Variants in RAPSN observed in about 807,000 individuals in gnomAD.
The protein encoded by RAPSN is 43 kDa receptor-associated protein of the synapse.
Under a neutral mutation model 45.7 loss-of-function variants are expected in RAPSN, and 33 were observed. That is an observed-to-expected ratio of 0.72 (90% confidence interval 0.55 to 0.97). RAPSN has a LOEUF of 0.97. Among genes scored for constraint, RAPSN ranks in the 50% least tolerant of loss-of-function variants. The pLI is 0.00. For missense variants in RAPSN, 519 were observed against 559.4 expected (o/e 0.93, Z 0.73); for synonymous variants, 244 against 233.6 (o/e 1.04, Z -0.40).
In RAPSN at chr11:47,437,894, C is replaced by T; in HGVS notation, c.*81G>A. ...ATGGTGAGGACGACCTGGCAGCTGCCCCAGGAGTAAATGGGCCTCTGGCGT... is the reference window on the plus strand; with the variant it reads ...ATGGTGAGGACGACCTGGCAGCTGCTCCAGGAGTAAATGGGCCTCTGGCGT... On this transcript the variant is annotated 3_prime_UTR_variant, in exon 8 of 8. Coordinates refer to ENST00000298854, the MANE Select transcript of RAPSN (RefSeq NM_005055.5). The T allele has an allele frequency of 6.5e-7, 1 of 1,527,848 alleles. No individual in the cohort carries two copies. The highest frequency in any genetic ancestry group is 1.2e-5 in the South Asian group (1 of 83,580). 94.6% of individuals were successfully genotyped at this position (1,527,848 alleles called of 1,614,324 possible).
chr11:47,438,766 G>T lies in RAPSN; in HGVS notation c.1132C>A (p.Gln378Lys). ...AAGATGTGGGAGCAAGGTAGGGCCT[G>T]CAGCCGGCTGTTCTTCTCGCCTATG... Reference protein sequence around the residue: ...ESIGEKNSRLQALPCSHIFHL... With the variant: ...ESIGEKNSRLKALPCSHIFHL... Residue 378 changes from glutamine (Q) to lysine (K), a missense_variant, in exon 7 of 8, where the codon CAG (glutamine) becomes AAG (lysine). Physicochemically the swap from Gln to Lys is moderately conservative, Grantham distance 53. Transcript: ENST00000298854. 1 of 1,564,788 alleles carries T rather than the reference G, an allele frequency of 6.4e-7. No homozygotes were observed. Among genetic ancestry groups the T allele is most frequent in the South Asian group, 1.2e-5 (1 of 85,216 alleles).
intron 7 of RAPSN, among the ~76,000 whole-genome samples, 172 bp from the exon 8 acceptor site, chr11:47,438,219 C>T (rs1216842742): frequency 6.6e-6 from 1 of 152,026 alleles, no homozygotes; most frequent in Admixed American, 6.6e-5. Context: ...CCCGGCTTGC[C>T]CCTCTCCTCC....
intron 2 of RAPSN, among the ~76,000 whole-genome samples, chr11:47,445,258 A>G (rs2076396342): frequency 6.6e-6 from 1 of 151,468 alleles, no homozygotes; most frequent in South Asian, 2.1e-4. Context: ...TATTATTTCA[A>G]TGACTTTGGA....
chr11:47,441,598 G>T lies in RAPSN; in HGVS notation c.912+13C>A. 1 of 1,603,728 alleles carries T rather than the reference G, an allele frequency of 6.2e-7. No homozygotes were observed. The highest frequency in any genetic ancestry group is 8.5e-7 in the Non-Finnish European group (1 of 1,179,596). Reference sequence around the variant, plus strand: ...TGGGAGGGCTGGAGGCTGTGGGAAAGGCCCGACCTCACCTTGTCCAGCGCC... The same window carrying T: ...TGGGAGGGCTGGAGGCTGTGGGAAATGCCCGACCTCACCTTGTCCAGCGCC... On this transcript the variant is annotated intron_variant, in intron 5 of 7. Coordinates refer to ENST00000298854, the MANE Select transcript of RAPSN (RefSeq NM_005055.5).
At position 47,442,701 on chromosome 11, in the gene RAPSN, G is replaced by T; in HGVS notation, c.645C>A (p.Ala215=). Residue 215 remains alanine, a synonymous_variant, in exon 3 of 8, where the codon GCC becomes GCA. Transcript: ENST00000298854. The part of the protein sequence containing the change: ...RAMSQYHMAV[A]YRLLGRLGSA... The stretch of plus-strand genomic sequence containing the variant: ...TGCCCAGGCGGCCCAGCAGGCGATA[G>T]GCCACGGCCATGTGGTACTGGCTCA... 1 of 1,614,230 alleles carries T rather than the reference G, an allele frequency of 6.2e-7. No homozygotes were observed. Among genetic ancestry groups the T allele is most frequent in the East Asian group, 2.2e-5 (1 of 44,884 alleles).
At chr11:47,441,485 T>C in intron 5 of RAPSN, 126 bp downstream of exon 5, 1 of 1,504,964 alleles carries the variant, frequency 6.6e-7, no homozygotes, top group Admixed American at 1.9e-5. Context: ...ACCAGGAATG[T>C]CCTGGCCTCG....
At chr11:47,438,151 G>T (rs1228096057) in intron 7 of RAPSN, 104 bp from the exon 8 acceptor site, 32 of 1,333,540 alleles carry the variant, frequency 2.4e-5, no homozygotes, top group Non-Finnish European at 3.4e-5. Context: ...GATGCATCCT[G>T]GTGGCTGTTC....
chr11:47,441,597 A>C lies in RAPSN; in HGVS notation c.912+14T>G. ...CTGGGAGGGCTGGAGGCTGTGGGAA[A>C]GGCCCGACCTCACCTTGTCCAGCGC... On this transcript the variant is annotated intron_variant, in intron 5 of 7. Coordinates refer to ENST00000298854, the MANE Select transcript of RAPSN (RefSeq NM_005055.5). 1 of 1,603,606 alleles carries C rather than the reference A, an allele frequency of 6.2e-7. No homozygotes were observed. The highest frequency in any genetic ancestry group is 2.2e-5 in the East Asian group (1 of 44,858).
Position 47,438,920 on chromosome 11 carries a change from G to C in RAPSN, c.978C>G (p.Leu326=). 6.4e-7 allele frequency: 1 copy of C among 1,558,632 alleles called. No individual in the cohort carries two copies. The highest frequency in any genetic ancestry group is 8.7e-7 in the Non-Finnish European group (1 of 1,150,858). ...AEEVGNKLSQ[L]KLHCLSESIY... ...TGCTCTCGCTCAGACAGTGCAGCTT[G>C]AGCTGGCTCAGCTGGGGCCCGCAGG... is the stretch of plus-strand genomic sequence containing the variant. The change falls in exon 7 of 8, where the codon CTC becomes CTG. Residue 326 remains leucine, a synonymous_variant. Coordinates refer to ENST00000298854, the MANE Select transcript of RAPSN (RefSeq NM_005055.5).
intron 1 of RAPSN, 85 bp from the exon 2 acceptor site, chr11:47,448,235 A>G: frequency 1.3e-5 from 18 of 1,414,452 alleles, no homozygotes; most frequent in Non-Finnish European, 1.6e-5. Flanking sequence ...TCAGACCTGG[A>G]GGCCCCACAC....
In RAPSN at chr11:47,447,886, C is replaced by A. The variant is rs142635726; in HGVS notation, c.457G>T (p.Ala153Ser). The A allele has an allele frequency of 1.2e-4, 190 of 1,613,452 alleles. No homozygotes were observed. In the East Asian group the frequency reaches 4.1e-3, roughly 35 times the overall value. Residue 153 changes from alanine (A) to serine (S), a missense_variant, in exon 2 of 8, where the codon GCC (alanine) becomes TCC (serine). Transcript: ENST00000298854. Reference protein sequence around the residue: ...LESFEKALRYAHNNDDAMLEC... With the variant: ...LESFEKALRYSHNNDDAMLEC... ...AGCATGGCGTCATCATTGTTGTGGG[C>A]ATAGCGCAGGGCCTTCTCGAAGCTC... is the stretch of plus-strand genomic sequence containing the variant.
intron 2 of RAPSN, among the ~76,000 whole-genome samples, chr11:47,445,369 G>A (rs1486839081): frequency 6.6e-6 from 1 of 151,720 alleles, no homozygotes; most frequent in Non-Finnish European, 1.5e-5. Context: ...GGCTGAAGCG[G>A]GTGGATCACC....
In RAPSN at chr11:47,437,867, C is replaced by T; in HGVS notation, c.*108G>A. The T allele has an allele frequency of 7.0e-7, 1 of 1,425,870 alleles. No individual in the cohort carries two copies. The highest frequency in any genetic ancestry group is 9.6e-7 in the Non-Finnish European group (1 of 1,036,302). 88.3% of individuals were successfully genotyped at this position (1,425,870 alleles called of 1,614,324 possible). On this transcript the variant is annotated 3_prime_UTR_variant, in exon 8 of 8. Coordinates refer to ENST00000298854, the MANE Select transcript of RAPSN (RefSeq NM_005055.5). ...CCCTGGGCAGGCCCCAAGGCCTTGGCTATGGTGAGGACGACCTGGCAGCTG... is the reference window on the plus strand; with the variant it reads ...CCCTGGGCAGGCCCCAAGGCCTTGGTTATGGTGAGGACGACCTGGCAGCTG...
At chr11:47,443,735 A>T (rs1487551050) in intron 2 of RAPSN, among the ~76,000 whole-genome samples, 1 of 151,912 alleles carries the variant, frequency 6.6e-6, no homozygotes, top group Non-Finnish European at 1.5e-5. Flanking sequence ...GAGTTGGAGA[A>T]TGGCCTGGGC....
Position 47,448,106 on chromosome 11 carries a change from G to C in RAPSN, c.237C>G (p.Ala79=). 6.2e-7 allele frequency: 1 copy of C among 1,613,712 alleles called. No homozygotes were observed. The highest frequency in any genetic ancestry group is 8.5e-7 in the Non-Finnish European group (1 of 1,180,010). ...TCAGGTAGCTCTCCAGGAGGAAGTCGGCATCCTCCAGCTCCCGGGCCGTGT... is the reference window on the plus strand; with the variant it reads ...TCAGGTAGCTCTCCAGGAGGAAGTCCGCATCCTCCAGCTCCCGGGCCGTGT... ...QIDTARELED[A]DFLLESYLNL... The change falls in exon 2 of 8, where the codon GCC becomes GCG. Residue 79 remains alanine (A), a synonymous_variant. Transcript: ENST00000298854.
At chr11:47,443,482 G>A (rs2153309367) in intron 2 of RAPSN, among the ~76,000 whole-genome samples, 1 of 152,146 alleles carries the variant, frequency 6.6e-6, no homozygotes, top group South Asian at 2.1e-4. Flanking sequence ...CTGCTCCCAC[G>A]CTCCCTGCCT....
chr11:47,437,985 C>A lies in RAPSN; in HGVS notation c.1229G>T (p.Gly410Val). Residue 410 changes from glycine (G) to valine (V), a missense_variant, in exon 8 of 8, where the codon GGC (glycine) becomes GTC (valine). Transcript: ENST00000298854. ...PNCRRSSMKP[G>V]FV ...GCCTGCTGCCAGGAGTCATACAAAGCCAGGCTTCATGGATGAGCGGCGGCA... is the reference window on the plus strand; with the variant it reads ...GCCTGCTGCCAGGAGTCATACAAAGACAGGCTTCATGGATGAGCGGCGGCA... 6.4e-7 allele frequency: 1 copy of A among 1,550,822 alleles called. No homozygotes were observed.
rs201725858 is a variant in RAPSN at position 47,448,825 on chromosome 11, C to T, written c.140G>A (p.Gly47Asp). 2.2e-4 allele frequency: 359 copies of T among 1,613,694 alleles called. 1 individual carries two copies. In the East Asian group the frequency reaches 7.8e-3, roughly 35 times the overall value. Residue 47 changes from glycine to aspartate, a missense_variant, in exon 1 of 8, where the codon GGC (glycine) becomes GAC (aspartate). Gly to Asp is a moderately conservative substitution (Grantham distance 94, BLOSUM62 -1). Transcript: ENST00000298854. ...SDLMGRFRVL[G>D]CLVTAHSEMG... ...CTCCGAGTGGGCTGTGACCAGGCAGCCCAGCACGCGGAAGCGCCCCATGAG... is the reference window on the plus strand; with the variant it reads ...CTCCGAGTGGGCTGTGACCAGGCAGTCCAGCACGCGGAAGCGCCCCATGAG...
chr11:47,446,778 G>A (rs1054254425), intron 2 of RAPSN, among the ~76,000 whole-genome samples: 3 of 152,114 alleles, frequency 2.0e-5, no homozygotes, highest in Admixed American at 6.6e-5. Context: ...GGTGGTATAC[G>A]CCTGTAGTCC....
Sources: gnomAD v4.1 joint callset for allele counts (sites outside exome capture counted in the v4.1 genomes callset) on GRCh38, gnomAD v4.1.1 for gene constraint, MANE v1.5 for transcripts, NCBI Gene and HGNC (gene_info 2026-07-23, HGNC 2026-07-21) for gene names.